The following OLFML1 variants were observed in gnomAD, a reference collection of about 807,000 sequenced individuals.
OLFML1 encodes the protein olfactomedin-like protein 1.
A neutral mutation model predicts 37.3 loss-of-function variants in OLFML1; 33 were observed. That is an observed-to-expected ratio of 0.88 (90% CI 0.67 to 1.18). The LOEUF (loss-of-function observed/expected upper bound fraction) is 1.18. OLFML1 is among the 50% of genes most tolerant of loss of function. The probability of loss-of-function intolerance (pLI) is 0.00; values close to 1 mark genes in which losing one functional copy is unlikely to be tolerated. For missense variants in OLFML1, 545 were observed against 483.7 expected, an observed-to-expected ratio of 1.13 and a Z score of -1.19; for synonymous variants, 186 against 181.3, an observed-to-expected ratio of 1.03 and a Z score of -0.21.
At chr11:7,493,517 T>A (rs1393698887) in intron 2 of OLFML1, among the ~76,000 whole-genome samples, 7 of 152,270 alleles carry the variant, frequency 4.6e-5, no homozygotes, top group African/African-American at 1.7e-4. Context: ...GGTGTGTGTG[T>A]GCACGTGTGT....
At chr11:7,501,429 C>T (rs1464167324) in intron 2 of OLFML1, among the ~76,000 whole-genome samples, 1 of 152,238 alleles carries the variant, frequency 6.6e-6, no homozygotes, top group Non-Finnish European at 1.5e-5. Context: ...CACAGGAAAG[C>T]AACCCCTCAG....
At chr11:7,502,545 T>C (rs570742003) in intron 2 of OLFML1, among the ~76,000 whole-genome samples, 109 of 152,282 alleles carry the variant, frequency 7.2e-4, no homozygotes, top group African/African-American at 1.9e-3. Context: ...AGGTAGTAGG[T>C]TGAAAGTGAG....
chr11:7,497,940 C>A (rs138496143), intron 2 of OLFML1, among the ~76,000 whole-genome samples: 50 of 152,278 alleles, frequency 3.3e-4, no homozygotes, highest in African/African-American at 1.2e-3. Flanking sequence ...TTCCTGCTAC[C>A]CATCCACTGA....
chr11:7,485,920 C>T lies in OLFML1; in HGVS notation c.45C>T (p.Phe15=), dbSNP rs756840771. 3 of 1,613,788 alleles carry T rather than the reference C, an allele frequency of 1.9e-6. No homozygotes were observed. Among genetic ancestry groups the T allele is most frequent in the Non-Finnish European group, 1.7e-6 (2 of 1,179,940 alleles). ...GAGCTTCTGCATTGCTGGTTCTGTT[C>T]CTTGCAGCTTTTCTGCCCCCGCCGC... The part of the protein sequence containing the change: ...LRGASALLVL[F]LAAFLPPPQC... Residue 15 remains phenylalanine (F), a synonymous_variant, in exon 1 of 3, where the codon TTC becomes TTT. Coordinates refer to ENST00000329293, the MANE Select transcript of OLFML1 (RefSeq NM_198474.4).
chr11:7,508,017 G>A (rs1251681837), intron 2 of OLFML1, among the ~76,000 whole-genome samples: 1 of 152,222 alleles, frequency 6.6e-6, no homozygotes, highest in Non-Finnish European at 1.5e-5. Flanking sequence ...ATGCATTACA[G>A]CTGGAAGAAA....
At chr11:7,498,070 A>C (rs531641643) in intron 2 of OLFML1, among the ~76,000 whole-genome samples, 1 of 152,200 alleles carries the variant, frequency 6.6e-6, no homozygotes, top group Non-Finnish European at 1.5e-5. Flanking sequence ...TTGGTTTCTG[A>C]GTTTGGAGAG....
Position 7,485,672 on chromosome 11 carries a change from C to A in OLFML1, c.-204C>A. The A allele has an allele frequency of 1.7e-6, 1 of 579,456 alleles. No homozygotes were observed. Among genetic ancestry groups the A allele is most frequent in the East Asian group, 2.9e-5 (1 of 34,508 alleles). 35.9% of individuals were successfully genotyped at this position (579,456 alleles called of 1,614,324 possible). A position where few individuals can be genotyped will look rare whatever the true frequency, so the allele number is the denominator to read the frequency against. On this transcript the variant is annotated 5_prime_UTR_variant, in exon 1 of 3. Transcript: ENST00000329293. Reference sequence around the variant, plus strand: ...AAGGCCTCAGGGACCAACTTGCCAACAGCTGGACTTGATCACTAGCTGGCA... The same window carrying A: ...AAGGCCTCAGGGACCAACTTGCCAAAAGCTGGACTTGATCACTAGCTGGCA...
chr11:7,500,629 G>A (rs79988162), intron 2 of OLFML1, among the ~76,000 whole-genome samples: 5,294 of 151,930 alleles, frequency 0.035, 340 homozygotes, highest in African/African-American at 0.12. Flanking sequence ...AACTTATTAT[G>A]AGTTCTACAT....
chr11:7,485,862 T>C lies in OLFML1; in HGVS notation c.-14T>C, dbSNP rs768801285. ...CCACAGCATAAGAGACTGCCCTGCT[T>C]GGTGTTTTGCAGGATGATGGTGGCC... On this transcript the variant is annotated 5_prime_UTR_variant, in exon 1 of 3. Transcript: ENST00000329293. The C allele has an allele frequency of 6.2e-7, 1 of 1,612,074 alleles. No homozygotes were observed.
At chr11:7,499,096 A>G (rs1848692941) in intron 2 of OLFML1, among the ~76,000 whole-genome samples, 2 of 152,248 alleles carry the variant, frequency 1.3e-5, no homozygotes, top group African/African-American at 4.8e-5. Context: ...AAATCAGGGG[A>G]AAAGTATTTA....
At chr11:7,507,428 C>A (rs1307430518) in intron 2 of OLFML1, among the ~76,000 whole-genome samples, 1 of 152,126 alleles carries the variant, frequency 6.6e-6, no homozygotes, top group Non-Finnish European at 1.5e-5. Context: ...GAATAAAATC[C>A]AAATTTCTTA....
chr11:7,510,434 A>G lies in OLFML1; in HGVS notation c.*246A>G, dbSNP rs997637472. On this transcript the variant is annotated 3_prime_UTR_variant, in exon 3 of 3. Coordinates refer to ENST00000329293, the MANE Select transcript of OLFML1 (RefSeq NM_198474.4). ...TACTCCCCCAAACCTCCTGGCTCTC[A>G]AGGATGACCACATTCTGATACAGCC... is the stretch of plus-strand genomic sequence containing the variant. The G allele has an allele frequency of 2.0e-5, 9 of 452,378 alleles. No individual in the cohort carries two copies. In the East Asian group the frequency reaches 2.9e-4, roughly 15 times the overall value. The allele number at this position is 452,378 out of a possible 1,614,324, so 28.0% of individuals were successfully genotyped here.
At chr11:7,487,146 T>C (rs975880415) in intron 1 of OLFML1, among the ~76,000 whole-genome samples, 1 of 152,240 alleles carries the variant, frequency 6.6e-6, no homozygotes, top group African/African-American at 2.4e-5. Flanking sequence ...CTGATCCTTT[T>C]ATAGCTATGA....
At chr11:7,503,307 G>A (rs770123586) in intron 2 of OLFML1, among the ~76,000 whole-genome samples, 1 of 151,558 alleles carries the variant, frequency 6.6e-6, no homozygotes, top group Non-Finnish European at 1.5e-5. Flanking sequence ...GAGATGAGGA[G>A]AAACTGGCAA....
chr11:7,488,388 A>G lies in OLFML1; in HGVS notation c.391A>G (p.Lys131Glu), dbSNP rs1479586544. 9.3e-6 allele frequency: 15 copies of G among 1,613,768 alleles called. No homozygotes were observed. The African/African-American group carries it at 1.5e-4, about 16-fold the overall frequency. Reference protein sequence around the residue: ...EMLLQEAEEEKKIRTLLNASC... With the variant: ...EMLLQEAEEEEKIRTLLNASC... The stretch of plus-strand genomic sequence containing the variant: ...GTTGCTCCAAGAAGCTGAAGAAGAG[A>G]AAAAGATCCGGACTCTGCTGAATGC... The change falls in exon 2 of 3, where the codon AAA becomes GAA. Residue 131 changes from lysine to glutamate, a missense_variant. Coordinates refer to ENST00000329293, the MANE Select transcript of OLFML1 (RefSeq NM_198474.4).
chr11:7,485,807 C>T lies in OLFML1; in HGVS notation c.-69C>T. 1 of 1,530,238 alleles carries T rather than the reference C, an allele frequency of 6.5e-7. No individual in the cohort carries two copies. The highest frequency in any genetic ancestry group is 9.0e-7 in the Non-Finnish European group (1 of 1,117,250). The allele number at this position is 1,530,238 out of a possible 1,614,324, so 94.8% of individuals were successfully genotyped here. On this transcript the variant is annotated 5_prime_UTR_variant, in exon 1 of 3. Transcript: ENST00000329293. Reference sequence around the variant, plus strand: ...CAGCGGATAGAGCAGGAGAGCACCACCGGAGCCCTTGAGACATCCTTGAGA... The same window carrying T: ...CAGCGGATAGAGCAGGAGAGCACCATCGGAGCCCTTGAGACATCCTTGAGA...
intron 2 of OLFML1, among the ~76,000 whole-genome samples, chr11:7,506,198 T>C (rs982397235): frequency 6.6e-6 from 1 of 152,118 alleles, no homozygotes; most frequent in Non-Finnish European, 1.5e-5. Context: ...TGTTTTAATA[T>C]AGGCTAGATG....
At chr11:7,489,009 A>T (rs1848563808) in intron 2 of OLFML1, 1 of 152,242 alleles carries the variant, frequency 6.6e-6, no homozygotes, top group Admixed American at 6.5e-5. Context: ...ATAAACACAC[A>T]AATGACAAAG....
At chr11:7,492,211 C>T (rs910186694) in intron 2 of OLFML1, among the ~76,000 whole-genome samples, 6 of 152,174 alleles carry the variant, frequency 3.9e-5, no homozygotes, top group Non-Finnish European at 7.3e-5. Flanking sequence ...CACCCACCTT[C>T]TTCCTGGAAG....
Sources: allele counts gnomAD v4.1 joint callset (sites outside exome capture counted in the v4.1 genomes callset), GRCh38; gene constraint gnomAD v4.1.1; transcripts MANE v1.5; gene names NCBI Gene and HGNC (gene_info 2026-07-23, HGNC 2026-07-21).